Variants in GLRA3 observed in about 807,000 individuals in gnomAD.
GLRA3 encodes the protein glycine receptor subunit alpha-3.
Under a neutral mutation model 60.4 loss-of-function variants are expected in GLRA3, and 44 were observed. That is an observed-to-expected ratio of 0.73 (90% CI 0.57 to 0.94). The LOEUF (loss-of-function observed/expected upper bound fraction) is 0.94, where lower values mean the gene tolerates loss of function less well. GLRA3 is among the 40% of genes least tolerant of loss of function. The probability of loss-of-function intolerance (pLI) is 0.00; values close to 1 mark genes in which losing one functional copy is unlikely to be tolerated. For missense variants in GLRA3, 508 were observed against 564.6 expected, an observed-to-expected ratio of 0.90 and a Z score of 1.02; for synonymous variants, 223 against 192.9, an observed-to-expected ratio of 1.16 and a Z score of -1.29.
chr4:174,689,489 A>G (rs1561056550), intron 5 of GLRA3, among the ~76,000 whole-genome samples: 1 of 152,094 alleles, frequency 6.6e-6, no homozygotes, highest in Non-Finnish European at 1.5e-5. Flanking sequence ...ATTGCATAGC[A>G]TTGAAGTCAC....
Position 174,640,647 on chromosome 4 carries a change from T to C in GLRA3, c.*3139A>G, listed in dbSNP as rs1732603307. ...TTCTGTTAGTTAAACATTTAGATTA[T>C]TCATTTTTTTTTCTAAAATTTCCCT... On this transcript the variant is annotated 3_prime_UTR_variant, in exon 10 of 10. Coordinates refer to ENST00000274093, the MANE Select transcript of GLRA3 (RefSeq NM_006529.4). The C allele has an allele frequency of 6.6e-6, 1 of 152,066 alleles. No homozygotes were observed. The allele number at this position is 152,066 out of a possible 1,614,324, so 9.4% of individuals were successfully genotyped here.
intron 9 of GLRA3, among the ~76,000 whole-genome samples, chr4:174,645,756 T>C (rs181144173): frequency 2.0e-5 from 3 of 152,234 alleles, no homozygotes; most frequent in Admixed American, 2.0e-4. Context: ...AAATTGAAAA[T>C]CGATTTTCCA....
chr4:174,661,183 T>TCA (rs969648779), intron 7 of GLRA3, among the ~76,000 whole-genome samples: 1 of 151,772 alleles, frequency 6.6e-6, no homozygotes, highest in South Asian at 2.1e-4. Context: ...ACACACATAT[T>TCA]CACACACACA....
intron 2 of GLRA3, among the ~76,000 whole-genome samples, chr4:174,777,388 GAC>G (rs1188504208): frequency 6.6e-6 from 1 of 152,166 alleles, no homozygotes; most frequent in Non-Finnish European, 1.5e-5. Context: ...GCCACGAAAA[GAC>G]ACAGAGGAAC....
intron 5 of GLRA3, among the ~76,000 whole-genome samples, chr4:174,690,545 A>C (rs900679414): frequency 6.6e-6 from 1 of 152,160 alleles, no homozygotes; most frequent in African/African-American, 2.4e-5. Flanking sequence ...TACATTTGAA[A>C]GTTTGTTACA....
At chr4:174,814,679 T>C (rs936283610) in intron 1 of GLRA3, among the ~76,000 whole-genome samples, 1 of 152,178 alleles carries the variant, frequency 6.6e-6, no homozygotes, top group African/African-American at 2.4e-5. Flanking sequence ...GAGAGAGAGC[T>C]TGTGCAGGGA....
intron 5 of GLRA3, among the ~76,000 whole-genome samples, chr4:174,699,939 C>T (rs1322566971): frequency 6.6e-6 from 1 of 151,202 alleles, no homozygotes; most frequent in African/African-American, 2.4e-5. Flanking sequence ...TTAAATGATT[C>T]AATTGTGTTG....
intron 2 of GLRA3, among the ~76,000 whole-genome samples, chr4:174,784,890 C>G (rs1365968889): frequency 6.6e-6 from 1 of 151,960 alleles, no homozygotes; most frequent in Non-Finnish European, 1.5e-5. Context: ...AAATCTGATT[C>G]TCAAAAATGT....
chr4:174,649,974 C>A (rs1732969776), intron 9 of GLRA3, among the ~76,000 whole-genome samples: 1 of 152,038 alleles, frequency 6.6e-6, no homozygotes, highest in South Asian at 2.1e-4. Context: ...AGATCATTGT[C>A]AAAAGTAAGT....
At chr4:174,716,336 G>C (rs1445266580) in intron 4 of GLRA3, among the ~76,000 whole-genome samples, 3 of 152,178 alleles carry the variant, frequency 2.0e-5, no homozygotes, top group African/African-American at 7.2e-5. Context: ...CTGTATACCA[G>C]TATTCCGCTC....
At chr4:174,668,370 T>C (rs72998801) in intron 7 of GLRA3, among the ~76,000 whole-genome samples, 7,479 of 152,258 alleles carry the variant, frequency 0.049, 621 homozygotes, top group African/African-American at 0.17. Context: ...GATTATTGAA[T>C]AGCAGTAATT....
chr4:174,781,201 C>A (rs1186353582), intron 2 of GLRA3, among the ~76,000 whole-genome samples: 1 of 151,986 alleles, frequency 6.6e-6, no homozygotes, highest in Admixed American at 6.6e-5. Context: ...GAACAACCTG[C>A]TCCTGAATGA....
At chr4:174,778,956 G>C (rs1048525667) in intron 2 of GLRA3, among the ~76,000 whole-genome samples, 6 of 151,580 alleles carry the variant, frequency 4.0e-5, no homozygotes, top group African/African-American at 1.5e-4. Context: ...GCTCCAACTG[G>C]GTGGAGCCCA....
At chr4:174,766,939 C>A in intron 3 of GLRA3, 24 bp downstream of exon 3, 2 of 1,344,584 alleles carry the variant, frequency 1.5e-6, no homozygotes, top group Non-Finnish European at 2.1e-6. Flanking sequence ...TAGTGTGAAA[C>A]TTGTTGCAAA....
In GLRA3 at chr4:174,704,089, G is replaced by A. The variant is rs771239377; in HGVS notation, c.574+11399C>T. Among the ~76,000 whole-genome samples the A allele has an allele frequency of 1.4e-5, 2 of 143,274 alleles. 1 individual carries two copies. Among genetic ancestry groups the A allele is most frequent in the Non-Finnish European group, 3.1e-5 (2 of 64,820 alleles). The allele number at this position is 143,274 out of a possible 152,430, so 94.0% of individuals were successfully genotyped here. A position where few individuals can be genotyped will look rare whatever the true frequency, so the allele number is the denominator to read the frequency against. ...GTGGTTGGATCACTTGAGATCAAGT[G>A]TTCGAGACCAACCTGGGCAACATGG... On this transcript the variant is annotated intron_variant, in intron 5 of 9. Coordinates refer to ENST00000274093, the MANE Select transcript of GLRA3 (RefSeq NM_006529.4).
chr4:174,647,829 C>A (rs1732884603), intron 9 of GLRA3, among the ~76,000 whole-genome samples: 1 of 152,102 alleles, frequency 6.6e-6, no homozygotes, highest in African/African-American at 2.4e-5. Flanking sequence ...TGAAACCTGG[C>A]ATGTGTTTTA....
chr4:174,801,326 T>C (rs1739805096), intron 1 of GLRA3, among the ~76,000 whole-genome samples: 1 of 152,108 alleles, frequency 6.6e-6, no homozygotes. Context: ...TCCAGTCTAA[T>C]AGTTTCAGAC....
chr4:174,767,777 C>A (rs1738209167), intron 2 of GLRA3, among the ~76,000 whole-genome samples: 1 of 152,070 alleles, frequency 6.6e-6, no homozygotes, highest in Non-Finnish European at 1.5e-5. Flanking sequence ...CTGATGTCCA[C>A]CAGAAGTGAG....
At chr4:174,729,747 G>A (rs1736482330) in intron 3 of GLRA3, among the ~76,000 whole-genome samples, 2 of 152,088 alleles carry the variant, frequency 1.3e-5, no homozygotes, top group African/African-American at 4.8e-5. Flanking sequence ...CATGATTAAA[G>A]CAAACATTAT....
Sources: gnomAD v4.1 joint callset for allele counts (sites outside exome capture counted in the v4.1 genomes callset) on GRCh38, gnomAD v4.1.1 for gene constraint, MANE v1.5 for transcripts, NCBI Gene and HGNC (gene_info 2026-07-23, HGNC 2026-07-21) for gene names.